Variants in SEPTIN9 observed in about 807,000 individuals in gnomAD.
SEPTIN9 encodes septin 9, also known as septin-9.
A neutral mutation model predicts 56.6 loss-of-function variants in SEPTIN9; 13 were observed. That is an observed-to-expected ratio of 0.23 (90% CI 0.15 to 0.37). The LOEUF (loss-of-function observed/expected upper bound fraction) is 0.37, where lower values mean the gene tolerates loss of function less well. Ranked by LOEUF, SEPTIN9 falls within the 10% of genes least tolerant of loss-of-function variation. SEPTIN9 has a pLI of 1.00. For missense variants in SEPTIN9, 650 were observed against 823.1 expected, an observed-to-expected ratio of 0.79 and a Z score of 2.57; for synonymous variants, 332 against 334.1, an observed-to-expected ratio of 0.99 and a Z score of 0.07.
chr17:77,406,447 CT>C (rs5822199), intron 3 of SEPTIN9, among the ~76,000 whole-genome samples: 31 of 149,466 alleles, frequency 2.1e-4, no homozygotes, highest in African/African-American at 6.4e-4. Context: ...CTCTGCTAGA[CT>C]TTTTTTTTTA....
At chr17:77,366,269 T>G (rs936020510) in intron 2 of SEPTIN9, among the ~76,000 whole-genome samples, 34 of 152,134 alleles carry the variant, frequency 2.2e-4, no homozygotes, top group African/African-American at 8.0e-4. Context: ...ATTTTTGTAC[T>G]CCAGTCTCAG....
intron 3 of SEPTIN9, among the ~76,000 whole-genome samples, chr17:77,455,724 C>T (rs2038170564): frequency 6.6e-6 from 1 of 152,228 alleles, no homozygotes; most frequent in African/African-American, 2.4e-5. Flanking sequence ...TCTTGTCGAT[C>T]CACGTCCTGA....
chr17:77,423,363 G>T (rs2036773473), intron 3 of SEPTIN9, among the ~76,000 whole-genome samples: 1 of 152,240 alleles, frequency 6.6e-6, no homozygotes, highest in African/African-American at 2.4e-5. Flanking sequence ...CCAAGCTGCT[G>T]TGGAAACATT....
At chr17:77,297,185 C>T (rs1013898007) in intron 1 of SEPTIN9, among the ~76,000 whole-genome samples, 1 of 152,118 alleles carries the variant, frequency 6.6e-6, no homozygotes, top group African/African-American at 2.4e-5. Context: ...GTGGCTCAGT[C>T]CAAGTCTGCA....
chr17:77,368,402 C>A (rs2034632514), intron 2 of SEPTIN9, among the ~76,000 whole-genome samples: 2 of 151,698 alleles, frequency 1.3e-5, no homozygotes, highest in African/African-American at 4.8e-5. Context: ...ACCTCCGCCT[C>A]CCAGGTTCAG....
At chr17:77,289,151 T>C (rs906540378) in intron 1 of SEPTIN9, among the ~76,000 whole-genome samples, 1 of 152,090 alleles carries the variant, frequency 6.6e-6, no homozygotes, top group Non-Finnish European at 1.5e-5. Flanking sequence ...GGCTGGAGTG[T>C]GGTGGCTCAA....
In SEPTIN9 at chr17:77,437,921, G is replaced by T. The variant is rs1337873797; in HGVS notation, c.721+35218G>T. 2.6e-5 allele frequency among the ~76,000 whole-genome samples: 4 copies of T among 152,198 alleles called. No homozygotes were observed. The highest frequency in any genetic ancestry group is 5.9e-5 in the Non-Finnish European group (4 of 68,026). On this transcript the variant is annotated intron_variant, in intron 3 of 11. Transcript: ENST00000427177. This position sits in a 1 kb window ranked among gnomAD's most constrained non-coding sequence, Gnocchi z 5.3. The stretch of plus-strand genomic sequence containing the variant: ...TTGCTTGCGCTGGTGACTGTGGCTG[G>T]TTGTTGGTGCCTGGCCCTGCCCTGC...
chr17:77,475,467 C>G lies in SEPTIN9; in HGVS notation c.722-6677C>G. 6.4e-7 allele frequency: 1 copy of G among 1,571,072 alleles called. No homozygotes were observed. The highest frequency in any genetic ancestry group is 1.2e-5 in the South Asian group (1 of 84,366). On this transcript the variant is annotated intron_variant, in intron 3 of 11. Coordinates refer to ENST00000427177, the MANE Select transcript of SEPTIN9 (RefSeq NM_001113491.2). This position sits in a 1 kb window ranked among gnomAD's most constrained non-coding sequence, Gnocchi z 4.6. ...GGACTCACTCAGCTTTAAGAAGCCC[C>G]TTTGTGGGGGACAGGGAGCATCTGT...
chr17:77,484,529 ATGGTGGTGG>A (rs1268600188), intron 4 of SEPTIN9, among the ~76,000 whole-genome samples: 1 of 115,254 alleles, frequency 8.7e-6, no homozygotes, highest in Non-Finnish European at 1.8e-5. Context: ...GGTAATTGTG[ATGGTGGTGG>A]TGGTGATGGT....
At chr17:77,300,397 G>A (rs1348512640) in intron 1 of SEPTIN9, among the ~76,000 whole-genome samples, 1 of 152,164 alleles carries the variant, frequency 6.6e-6, no homozygotes, top group Non-Finnish European at 1.5e-5. Flanking sequence ...AGGTTGTTCT[G>A]TGTCTAGGCA....
intron 3 of SEPTIN9, chr17:77,472,407 G>A (rs2039039362): frequency 1.3e-5 from 2 of 152,230 alleles, no homozygotes; most frequent in African/African-American, 2.4e-5. Context: ...CCCCTGCCTC[G>A]GGGGCGCCTC....
At chr17:77,370,709 C>T (rs58409895) in intron 2 of SEPTIN9, among the ~76,000 whole-genome samples, 19,031 of 152,198 alleles carry the variant, frequency 0.13, 1,205 homozygotes, top group East Asian at 0.23. Context: ...TCTCTGCTGC[C>T]GGCGTGCATC....
chr17:77,407,053 A>G (rs2036106751), intron 3 of SEPTIN9, among the ~76,000 whole-genome samples: 1 of 152,068 alleles, frequency 6.6e-6, no homozygotes, highest in African/African-American at 2.4e-5. Context: ...AGGCCGAAGC[A>G]GGCAGATTGC....
At chr17:77,443,530 C>T (rs530833458) in intron 3 of SEPTIN9, among the ~76,000 whole-genome samples, 2 of 152,292 alleles carry the variant, frequency 1.3e-5, no homozygotes, top group Admixed American at 1.3e-4. Context: ...CAGTGACTCA[C>T]GCCTATAATC....
At position 77,281,502 on chromosome 17, in the gene SEPTIN9, A is replaced by G. The variant is rs544824274; in HGVS notation, c.-34A>G. On this transcript the variant is annotated 5_prime_UTR_variant, in exon 1 of 12. Transcript: ENST00000427177. ...GCGCGCGCCCCGCTGCCTCGCCGCC[A>G]CACTTTCCTGGGAGCGGCGGCCACG... 3.2e-4 allele frequency: 487 copies of G among 1,545,792 alleles called. 2 individuals carry two copies. In the Middle Eastern group the frequency reaches 3.2e-3, roughly 10 times the overall value.
In SEPTIN9 at chr17:77,498,941, C is replaced by T. The variant is rs9897357; in HGVS notation, c.*283C>T. On this transcript the variant is annotated 3_prime_UTR_variant, in exon 12 of 12. Coordinates refer to ENST00000427177, the MANE Select transcript of SEPTIN9 (RefSeq NM_001113491.2). The stretch of plus-strand genomic sequence containing the variant: ...CCCTCTGTCCCCAGGCCTGGCTCCC[C>T]GAGGGCTCAGAAGAGCAGCTTCGGT... 0.019 allele frequency: 10,879 copies of T among 558,214 alleles called. 249 individuals carry two copies. Among genetic ancestry groups the T allele is most frequent in the African/African-American group, 0.074 (4,035 of 54,620 alleles). The allele number at this position is 558,214 out of a possible 1,614,324, so 34.6% of individuals were successfully genotyped here.
intron 2 of SEPTIN9, among the ~76,000 whole-genome samples, chr17:77,351,484 A>T (rs1230033829): frequency 6.6e-6 from 1 of 152,136 alleles, no homozygotes; most frequent in Non-Finnish European, 1.5e-5. Flanking sequence ...CGGGCTCTGG[A>T]GGGCTTGGGA....
At position 77,336,254 on chromosome 17, in the gene SEPTIN9, G is replaced by A. The variant is rs549826480; in HGVS notation, c.76+29057G>A. 4.6e-5 allele frequency among the ~76,000 whole-genome samples: 7 copies of A among 152,246 alleles called. No homozygotes were observed. In the East Asian group the frequency reaches 1.3e-3, roughly 29 times the overall value. On this transcript the variant is annotated intron_variant, in intron 2 of 11. Coordinates refer to ENST00000427177, the MANE Select transcript of SEPTIN9 (RefSeq NM_001113491.2). ...TCCTTATAAATTTAAGAAGTAGCTT[G>A]TTGATGTCTACAAAAATGCAGTGTG...
At chr17:77,497,517 C>G in intron 11 of SEPTIN9, 151 bp downstream of exon 11, 1 of 704,154 alleles carries the variant, frequency 1.4e-6, no homozygotes, top group Admixed American at 2.3e-5. Flanking sequence ...ATCTTGGAAG[C>G]CCATCTTCTG....
Sources: allele counts gnomAD v4.1 joint callset (sites outside exome capture counted in the v4.1 genomes callset), GRCh38; gene constraint gnomAD v4.1.1; non-coding constraint Gnocchi (gnomAD v3.1); transcripts MANE v1.5; gene names NCBI Gene and HGNC (gene_info 2026-07-23, HGNC 2026-07-21).